Variants in DCAF12 observed in about 807,000 individuals in gnomAD.
The protein encoded by DCAF12 is DDB1 and CUL4 associated factor 12, also known as DDB1- and CUL4-associated factor 12.
In DCAF12, 28 loss-of-function variants were observed where a neutral mutation model predicts 52.8. That is an observed-to-expected ratio of 0.53 (90% CI 0.39 to 0.73). The LOEUF (loss-of-function observed/expected upper bound fraction) is 0.73. DCAF12 is among the 30% of genes least tolerant of loss of function. The probability of loss-of-function intolerance (pLI) is 0.00; values close to 1 mark genes in which losing one functional copy is unlikely to be tolerated. For synonymous variants in DCAF12, 196 were observed against 215.5 expected (o/e 0.91, Z 0.79); for missense variants, 425 against 552.2 (o/e 0.77, Z 2.31).
chr9:34,106,953 C>T (rs1168779939), intron 3 of DCAF12, among the ~76,000 whole-genome samples: 4 of 150,336 alleles, frequency 2.7e-5, no homozygotes, highest in Non-Finnish European at 5.9e-5. Flanking sequence ...TGATGTATTA[C>T]TGGTAAATAT....
At chr9:34,111,787 G>A (rs981764019) in intron 2 of DCAF12, among the ~76,000 whole-genome samples, 3 of 152,090 alleles carry the variant, frequency 2.0e-5, no homozygotes, top group Non-Finnish European at 4.4e-5. Flanking sequence ...AGACCAAACC[G>A]CCCGGGTGGC....
At chr9:34,119,559 T>C (rs547347804) in intron 2 of DCAF12, among the ~76,000 whole-genome samples, 1 of 152,318 alleles carries the variant, frequency 6.6e-6, no homozygotes, top group East Asian at 1.9e-4. Context: ...ATTCGATTGT[T>C]AGTATTTAGA....
chr9:34,122,983 T>A (rs1195474898), intron 2 of DCAF12, among the ~76,000 whole-genome samples: 1 of 152,142 alleles, frequency 6.6e-6, no homozygotes, highest in African/African-American at 2.4e-5. Flanking sequence ...ACCTAACCCA[T>A]CCCAGCTGCC....
Position 34,088,657 on chromosome 9 carries a change from C to T in DCAF12, c.1204-149G>A, listed in dbSNP as rs750185860. On this transcript the variant is annotated intron_variant, in intron 8 of 8. Transcript: ENST00000361264. Reference sequence around the variant, plus strand: ...GTCAGGAGATTGGCTGGTTGGTTCTCATGGGAATCAGGGCCTCATTTTTCC... The same window carrying T: ...GTCAGGAGATTGGCTGGTTGGTTCTTATGGGAATCAGGGCCTCATTTTTCC... 306 of 836,822 alleles carry T rather than the reference C, an allele frequency of 3.7e-4. 1 individual carries two copies. Among genetic ancestry groups the T allele is most frequent in the Admixed American group, 7.0e-4 (27 of 38,840 alleles). The allele number at this position is 836,822 out of a possible 1,614,324, so 51.8% of individuals were successfully genotyped here. A position where few individuals can be genotyped will look rare whatever the true frequency, so the allele number is the denominator to read the frequency against.
intron 2 of DCAF12, among the ~76,000 whole-genome samples, chr9:34,108,623 C>T (rs4879744): frequency 0.31 from 46,224 of 151,538 alleles, 7,525 homozygotes; most frequent in Non-Finnish European, 0.36. Context: ...GAAAACCCTA[C>T]TAAACTTACA....
intron 1 of DCAF12, chr9:34,125,730 G>A (rs1829239298): frequency 2.9e-6 from 1 of 345,610 alleles, no homozygotes; most frequent in South Asian, 2.2e-5. Flanking sequence ...CATCATCAAT[G>A]ACCGTTCCTC....
At chr9:34,106,353 C>T in intron 4 of DCAF12, 81 bp downstream of exon 4, 1 of 1,265,242 alleles carries the variant, frequency 7.9e-7, no homozygotes, top group Admixed American at 2.0e-5. Flanking sequence ...GGGCTGTTTC[C>T]TATCACACTA....
At chr9:34,101,581 G>A (rs1217656033) in intron 4 of DCAF12, among the ~76,000 whole-genome samples, 16 of 151,286 alleles carry the variant, frequency 1.1e-4, no homozygotes, top group African/African-American at 3.9e-4. Context: ...TAGTAGAGAC[G>A]GGGTTTCTCT....
chr9:34,098,116 C>A (rs925527245), intron 5 of DCAF12, among the ~76,000 whole-genome samples: 1 of 152,084 alleles, frequency 6.6e-6, no homozygotes, highest in Non-Finnish European at 1.5e-5. Flanking sequence ...ATAGACTACT[C>A]AGAGAAATAC....
intron 3 of DCAF12, 47 bp downstream of exon 3, chr9:34,107,311 CG>C: frequency 6.4e-7 from 1 of 1,567,588 alleles, no homozygotes; most frequent in Non-Finnish European, 8.8e-7. Flanking sequence ...CACTGAGACC[CG>C]TTTAAAAACA....
chr9:34,098,652 C>T (rs937860932), intron 4 of DCAF12, 135 bp from the exon 5 acceptor site: 1 of 791,004 alleles, frequency 1.3e-6, no homozygotes, highest in African/African-American at 1.7e-5. Context: ...GCCAGATGGC[C>T]CACCCTAAAC....
chr9:34,114,845 T>C (rs1005680260), intron 2 of DCAF12, among the ~76,000 whole-genome samples: 3 of 152,068 alleles, frequency 2.0e-5, no homozygotes, highest in African/African-American at 7.2e-5. Flanking sequence ...CAGGAACCTA[T>C]CGTCCCAGCT....
At position 34,108,464 on chromosome 9, in the gene DCAF12, T is replaced by A. The variant is rs1045256310; in HGVS notation, c.334-899A>T. ...AAACCTGCTGCTTACACAGAAGATA[T>A]ATGAAAGGAGAAACTAGGTGAGTCT... On this transcript the variant is annotated intron_variant, in intron 2 of 8. Coordinates refer to ENST00000361264, the MANE Select transcript of DCAF12 (RefSeq NM_015397.4). Among the ~76,000 whole-genome samples, 4 of 152,068 alleles carry A rather than the reference T, an allele frequency of 2.6e-5. No homozygotes were observed. The South Asian group carries it at 6.2e-4, about 24-fold the overall frequency.
chr9:34,106,293 T>C, intron 4 of DCAF12, 141 bp downstream of exon 4: 2 of 605,036 alleles, frequency 3.3e-6, no homozygotes, highest in Non-Finnish European at 5.9e-6. Context: ...TCCACCCACC[T>C]CAGCCTCCCA....
Position 34,089,724 on chromosome 9 carries a change from CAG to C in DCAF12, c.1025-136_1025-135del, listed in dbSNP as rs955926013. 4 of 808,202 alleles carry C rather than the reference CAG, an allele frequency of 4.9e-6. No homozygotes were observed. The African/African-American group carries it at 7.0e-5, about 14-fold the overall frequency. 50.1% of individuals were successfully genotyped at this position (808,202 alleles called of 1,614,324 possible). Reference sequence around the variant, plus strand: ...TCCACCCGCCCCACAAAGTATCAGACAGTGTTTTCCCAATGGCAAGTTAGCTC... The same window carrying C: ...TCCACCCGCCCCACAAAGTATCAGACTGTTTTCCCAATGGCAAGTTAGCTC... On this transcript the variant is annotated intron_variant, in intron 7 of 8. Coordinates refer to ENST00000361264, the MANE Select transcript of DCAF12 (RefSeq NM_015397.4).
intron 4 of DCAF12, among the ~76,000 whole-genome samples, chr9:34,103,221 C>T (rs968963439): frequency 6.7e-6 from 1 of 150,286 alleles, no homozygotes; most frequent in African/African-American, 2.4e-5. Context: ...ACCAACCTGG[C>T]CAACATGTTG....
intron 1 of DCAF12, chr9:34,125,575 A>C (rs1237225121): frequency 2.0e-6 from 1 of 508,606 alleles, no homozygotes; most frequent in Non-Finnish European, 4.0e-6. Context: ...GAAAGATTGA[A>C]GGAAATGAGA....
chr9:34,102,461 G>A (rs1828843902), intron 4 of DCAF12, among the ~76,000 whole-genome samples: 1 of 152,034 alleles, frequency 6.6e-6, no homozygotes, highest in Non-Finnish European at 1.5e-5. Context: ...AGGAGTTTGA[G>A]ACCGACCTGA....
At chr9:34,117,289 A>G (rs1449740341) in intron 2 of DCAF12, among the ~76,000 whole-genome samples, 2 of 151,354 alleles carry the variant, frequency 1.3e-5, no homozygotes, top group African/African-American at 4.8e-5. Flanking sequence ...GCTCAAAAAA[A>G]AAAGGTGCCC....
Sources: allele counts gnomAD v4.1 joint callset (sites outside exome capture counted in the v4.1 genomes callset), GRCh38; gene constraint gnomAD v4.1.1; transcripts MANE v1.5; gene names NCBI Gene and HGNC (gene_info 2026-07-23, HGNC 2026-07-21).